The following RETREG1 variants were observed in gnomAD, a reference collection of about 807,000 sequenced individuals.
RETREG1 encodes family with sequence similarity 134 member B.
In RETREG1, 44 loss-of-function variants were observed where a neutral mutation model predicts 54.8. That is an observed-to-expected ratio of 0.80 (90% confidence interval 0.63 to 1.03). RETREG1 has a LOEUF of 1.03. Ranked by LOEUF, RETREG1 falls within the 50% of genes least tolerant of loss-of-function variation. RETREG1 has a pLI of 0.00. For missense variants in RETREG1, 554 were observed against 605.1 expected (o/e 0.92, Z 0.89); for synonymous variants, 217 against 238.5 (o/e 0.91, Z 0.83).
chr5:16,566,154 G>C (rs1362930951), intron 2 of RETREG1, among the ~76,000 whole-genome samples: 1 of 152,138 alleles, frequency 6.6e-6, no homozygotes, highest in African/African-American at 2.4e-5. Context: ...TACACAAGAG[G>C]GAGGCACACA....
Position 16,594,313 on chromosome 5 carries a change from G to A in RETREG1, c.321-22211C>T, listed in dbSNP as rs1266435944. On this transcript the variant is annotated intron_variant, in intron 1 of 8. Coordinates refer to ENST00000306320, the MANE Select transcript of RETREG1 (RefSeq NM_001034850.3). The surrounding 1 kb of genome is among the most constrained non-coding windows in gnomAD (Gnocchi z 4.4). ...TAAATGAAAGCTACAAGTTCTAAGT[G>A]TATTAGAATAGATTTTTAAATGTGA... Among the ~76,000 whole-genome samples, 1 of 152,184 alleles carries A rather than the reference G, an allele frequency of 6.6e-6. No homozygotes were observed. The highest frequency in any genetic ancestry group is 1.5e-5 in the Non-Finnish European group (1 of 68,040).
intron 4 of RETREG1, 56 bp from the exon 5 acceptor site, chr5:16,481,149 A>T: frequency 8.3e-7 from 1 of 1,210,108 alleles, no homozygotes; most frequent in Non-Finnish European, 1.2e-6. Flanking sequence ...GATATTTCGG[A>T]GCACAGGATA....
chr5:16,615,746 T>C (rs1453693922), intron 1 of RETREG1, among the ~76,000 whole-genome samples: 1 of 152,224 alleles, frequency 6.6e-6, no homozygotes, highest in Non-Finnish European at 1.5e-5. Context: ...GCTGTCTATT[T>C]TGTGCAATTT....
At chr5:16,510,580 A>G (rs162847) in intron 3 of RETREG1, among the ~76,000 whole-genome samples, 67,447 of 151,682 alleles carry the variant, frequency 0.44, 15,811 homozygotes, top group Admixed American at 0.54. Context: ...ACCCGAGGTT[A>G]GGAGTTCGAG....
chr5:16,474,449 G>T lies in RETREG1; in HGVS notation c.*292C>A. ...GGAGGATTTTAATAGTTTGGTTTTT[G>T]TTTTTTTCTTTTTGCTTTAAAAACA... On this transcript the variant is annotated 3_prime_UTR_variant, in exon 9 of 9. Coordinates refer to ENST00000306320, the MANE Select transcript of RETREG1 (RefSeq NM_001034850.3). The T allele has an allele frequency of 3.9e-5, 12 of 309,324 alleles. No homozygotes were observed. Among genetic ancestry groups the T allele is most frequent in the East Asian group, 1.4e-4 (2 of 14,536 alleles). The allele number at this position is 309,324 out of a possible 1,614,324, so 19.2% of individuals were successfully genotyped here.
At chr5:16,504,658 C>T (rs905772198) in intron 3 of RETREG1, among the ~76,000 whole-genome samples, 4 of 152,260 alleles carry the variant, frequency 2.6e-5, no homozygotes, top group East Asian at 1.9e-4. Flanking sequence ...CATATATGTA[C>T]GTATCTAACT....
chr5:16,554,953 G>A (rs1005105436), intron 3 of RETREG1, among the ~76,000 whole-genome samples: 1 of 152,078 alleles, frequency 6.6e-6, no homozygotes, highest in Non-Finnish European at 1.5e-5. Flanking sequence ...TCAAGTTCTT[G>A]TTCAAAAATC....
intron 3 of RETREG1, among the ~76,000 whole-genome samples, chr5:16,560,691 CA>C (rs1741830586): frequency 6.6e-6 from 1 of 152,154 alleles, no homozygotes; most frequent in Admixed American, 6.5e-5. Flanking sequence ...CCACATGGCT[CA>C]CATGAGCAAA....
chr5:16,588,144 A>G (rs1402790147), intron 1 of RETREG1, among the ~76,000 whole-genome samples: 3 of 152,204 alleles, frequency 2.0e-5, no homozygotes, highest in Non-Finnish European at 4.4e-5. Flanking sequence ...AACACTACAG[A>G]CAGGGTGGCT....
chr5:16,581,521 AACACAACACACACACAC>A (rs1421613079), intron 1 of RETREG1, among the ~76,000 whole-genome samples: 43 of 85,226 alleles, frequency 5.0e-4, no homozygotes, highest in African/African-American at 1.3e-3. Context: ...TAAGTTCAGA[AACACAACACACACACAC>A]ACACACACAC....
intron 3 of RETREG1, among the ~76,000 whole-genome samples, chr5:16,560,951 C>T (rs914428700): frequency 2.6e-5 from 4 of 151,990 alleles, no homozygotes. Context: ...GGAAAGTATC[C>T]CTTTGGTGTA....
intron 1 of RETREG1, 80 bp from the exon 2 acceptor site, chr5:16,572,182 G>T (rs878857300): frequency 1.1e-6 from 1 of 908,130 alleles, no homozygotes; most frequent in Non-Finnish European, 1.8e-6. Flanking sequence ...TCCTGCCACA[G>T]AAACAAAAAA....
chr5:16,537,518 C>T (rs531818391), intron 3 of RETREG1, among the ~76,000 whole-genome samples: 4 of 152,240 alleles, frequency 2.6e-5, no homozygotes, highest in East Asian at 3.9e-4. Flanking sequence ...GCCAACATGG[C>T]GAAACCTTGT....
At chr5:16,550,236 G>T (rs1414177330) in intron 3 of RETREG1, among the ~76,000 whole-genome samples, 1 of 150,098 alleles carries the variant, frequency 6.7e-6, no homozygotes, top group Admixed American at 6.6e-5. Context: ...TAATAATGTC[G>T]ACTTCCTTCC....
chr5:16,540,228 T>C (rs903642683), intron 3 of RETREG1, among the ~76,000 whole-genome samples: 1 of 152,240 alleles, frequency 6.6e-6, no homozygotes, highest in Admixed American at 6.5e-5. Flanking sequence ...GCAGTTTGTA[T>C]TTCCTATGGC....
chr5:16,559,645 T>C (rs913951754), intron 3 of RETREG1, among the ~76,000 whole-genome samples: 5 of 152,252 alleles, frequency 3.3e-5, no homozygotes, highest in Non-Finnish European at 7.3e-5. Context: ...GTACCAACTA[T>C]TGAAGAAATT....
At chr5:16,614,102 G>C (rs1743424081) in intron 1 of RETREG1, among the ~76,000 whole-genome samples, 1 of 152,240 alleles carries the variant, frequency 6.6e-6, no homozygotes, top group Non-Finnish European at 1.5e-5. Flanking sequence ...GCTGTATCTA[G>C]GCTGAATGGC....
intron 3 of RETREG1, among the ~76,000 whole-genome samples, chr5:16,562,175 C>A (rs910740739): frequency 6.6e-6 from 1 of 152,016 alleles, no homozygotes; most frequent in Non-Finnish European, 1.5e-5. Flanking sequence ...ATTAGCCAGG[C>A]GTGGTGGCAC....
At chr5:16,505,141 G>A (rs969864844) in intron 3 of RETREG1, among the ~76,000 whole-genome samples, 9 of 152,134 alleles carry the variant, frequency 5.9e-5, no homozygotes, top group African/African-American at 2.2e-4. Context: ...TACCGCTCCG[G>A]AGTCCAGCGA....
Sources: allele counts gnomAD v4.1 joint callset (sites outside exome capture counted in the v4.1 genomes callset), GRCh38; gene constraint gnomAD v4.1.1; non-coding constraint Gnocchi (gnomAD v3.1); transcripts MANE v1.5; gene names NCBI Gene and HGNC (gene_info 2026-07-23, HGNC 2026-07-21).